The following ZFHX4 variants were observed in gnomAD, a reference collection of about 807,000 sequenced individuals.
ZFHX4 encodes the protein zinc finger homeobox protein 4.
Under a neutral mutation model 267.6 loss-of-function variants are expected in ZFHX4, and 56 were observed. The observed-to-expected ratio is 0.21, with a 90% CI of 0.17 to 0.26. The LOEUF is 0.26. ZFHX4 is among the 10% of genes least tolerant of loss of function. The pLI is 1.00. For missense variants in ZFHX4, 4,332 were observed against 4,420.0 expected, an observed-to-expected ratio of 0.98 and a Z score of 0.56; for synonymous variants, 1,778 against 1,665.6, an observed-to-expected ratio of 1.07 and a Z score of -1.64.
At chr8:76,697,891 T>C (rs1348368431) in intron 1 of ZFHX4, among the ~76,000 whole-genome samples, 2 of 152,092 alleles carry the variant, frequency 1.3e-5, no homozygotes, top group Non-Finnish European at 2.9e-5. Context: ...TGATTAATGC[T>C]GAAGTATGGC....
At position 76,687,034 on chromosome 8, in the gene ZFHX4, T is replaced by A. The variant is rs535376208; in HGVS notation, c.-47+5414T>A. 3.9e-5 allele frequency among the ~76,000 whole-genome samples: 6 copies of A among 152,328 alleles called. No homozygotes were observed. The South Asian group carries it at 6.2e-4, about 16-fold the overall frequency. On this transcript the variant is annotated intron_variant, in intron 1 of 10. Transcript: ENST00000651372. ...AAGTGCATGTGAATATGTACAAGTT[T>A]CATGTAATTAGTGCTTAATTATATT...
At chr8:76,749,942 C>T (rs775593249) in intron 3 of ZFHX4, among the ~76,000 whole-genome samples, 1 of 152,112 alleles carries the variant, frequency 6.6e-6, no homozygotes, top group Non-Finnish European at 1.5e-5. Flanking sequence ...CAAATGCATG[C>T]TATTTCAAAG....
chr8:76,719,682 T>C (rs757273932), intron 3 of ZFHX4, among the ~76,000 whole-genome samples: 1 of 152,188 alleles, frequency 6.6e-6, no homozygotes, highest in Non-Finnish European at 1.5e-5. Context: ...CTTAAAGATA[T>C]AATAGATACC....
intron 5 of ZFHX4, among the ~76,000 whole-genome samples, chr8:76,840,095 G>A (rs9792276): frequency 1.3e-5 from 2 of 151,928 alleles, no homozygotes; most frequent in Admixed American, 6.6e-5. Flanking sequence ...GAGCCTACCT[G>A]TAATAAACAG....
chr8:76,782,666 C>G (rs11998710), intron 4 of ZFHX4, among the ~76,000 whole-genome samples: 41,622 of 151,780 alleles, frequency 0.27, 7,692 homozygotes, highest in African/African-American at 0.51. Context: ...TATCGACATT[C>G]CTGACATTTG....
At chr8:76,848,095 AG>A (rs1812411108) in intron 6 of ZFHX4, among the ~76,000 whole-genome samples, 1 of 152,184 alleles carries the variant, frequency 6.6e-6, no homozygotes. Flanking sequence ...AGCAGAAAAA[AG>A]GTCAGATGAT....
At chr8:76,712,208 A>G (rs988390306) in intron 3 of ZFHX4, among the ~76,000 whole-genome samples, 1 of 152,176 alleles carries the variant, frequency 6.6e-6, no homozygotes, top group Non-Finnish European at 1.5e-5. Context: ...TTAGTGTAAC[A>G]TTCCCCCGTG....
intron 5 of ZFHX4, among the ~76,000 whole-genome samples, chr8:76,839,470 A>G (rs575347077): frequency 1.3e-5 from 2 of 152,322 alleles, no homozygotes; most frequent in South Asian, 4.1e-4. Context: ...ACCTTGATAT[A>G]CATGGTAAGC....
chr8:76,731,449 T>C (rs569535772), intron 3 of ZFHX4, among the ~76,000 whole-genome samples: 78 of 152,236 alleles, frequency 5.1e-4, no homozygotes, highest in Admixed American at 9.8e-4. Context: ...CTTCAGGTTA[T>C]AGTTGAGAGT....
At chr8:76,824,888 C>T (rs1394711671) in intron 4 of ZFHX4, among the ~76,000 whole-genome samples, 14 of 152,060 alleles carry the variant, frequency 9.2e-5, no homozygotes, top group Admixed American at 2.6e-4. Flanking sequence ...TTTTGTAAAA[C>T]GCCAAGCCTT....
At chr8:76,826,517 C>T (rs547048193) in intron 4 of ZFHX4, among the ~76,000 whole-genome samples, 27 of 152,144 alleles carry the variant, frequency 1.8e-4, no homozygotes, top group African/African-American at 3.6e-4. Context: ...ATTTGAAAAA[C>T]GTAGTAACTG....
At chr8:76,741,139 C>T (rs1306624095) in intron 3 of ZFHX4, among the ~76,000 whole-genome samples, 1 of 151,980 alleles carries the variant, frequency 6.6e-6, no homozygotes, top group Non-Finnish European at 1.5e-5. Flanking sequence ...GGAAAACCTG[C>T]TAGGAGAAGA....
intron 4 of ZFHX4, among the ~76,000 whole-genome samples, chr8:76,807,244 G>A (rs1811268163): frequency 1.3e-5 from 2 of 151,760 alleles, no homozygotes; most frequent in Non-Finnish European, 2.9e-5. Context: ...AGAGCAAATC[G>A]AAAACACAAG....
chr8:76,812,441 G>T (rs886241530), intron 4 of ZFHX4, among the ~76,000 whole-genome samples: 1 of 152,118 alleles, frequency 6.6e-6, no homozygotes, highest in Non-Finnish European at 1.5e-5. Context: ...TGTGCATATT[G>T]TCTAATAAAG....
At chr8:76,742,962 G>A (rs1292205719) in intron 3 of ZFHX4, among the ~76,000 whole-genome samples, 1 of 130,880 alleles carries the variant, frequency 7.6e-6, no homozygotes, top group Non-Finnish European at 1.5e-5. Context: ...CAGCTTGTGA[G>A]AAAACACACA....
intron 4 of ZFHX4, among the ~76,000 whole-genome samples, chr8:76,788,472 C>T (rs1054401343): frequency 1.3e-5 from 2 of 152,188 alleles, no homozygotes; most frequent in African/African-American, 4.8e-5. Context: ...TGCCTCTTGG[C>T]TCTCAGTCCA....
intron 3 of ZFHX4, among the ~76,000 whole-genome samples, chr8:76,750,206 C>T (rs1261407767): frequency 6.6e-6 from 1 of 152,050 alleles, no homozygotes; most frequent in Admixed American, 6.6e-5. Context: ...AGGATGTCTC[C>T]AGTTCAAGGA....
intron 6 of ZFHX4, among the ~76,000 whole-genome samples, chr8:76,844,377 A>G (rs1435553819): frequency 2.0e-5 from 3 of 152,152 alleles, no homozygotes; most frequent in South Asian, 2.1e-4. Flanking sequence ...TTCAATGCCC[A>G]TGTAATCCCG....
intron 4 of ZFHX4, among the ~76,000 whole-genome samples, chr8:76,799,401 G>A (rs1811062108): frequency 1.3e-5 from 2 of 152,200 alleles, no homozygotes; most frequent in Admixed American, 6.5e-5. Flanking sequence ...TTTCTCACCT[G>A]CAGGGTTGCC....
Sources: gnomAD v4.1 joint callset for allele counts (sites outside exome capture counted in the v4.1 genomes callset) on GRCh38, gnomAD v4.1.1 for gene constraint, MANE v1.5 for transcripts, NCBI Gene and HGNC (gene_info 2026-07-23, HGNC 2026-07-21) for gene names.